Variants in WDR5 observed in about 807,000 individuals in gnomAD.
The protein encoded by WDR5 is WD repeat domain 5, also known as WD repeat-containing protein 5.
For missense variants in WDR5, 187 were observed against 416.9 expected, an observed-to-expected ratio of 0.45 and a Z score of 4.80; for synonymous variants, 144 against 161.6, an observed-to-expected ratio of 0.89 and a Z score of 0.83.
At chr9:134,144,317 C>T (rs1437261282) in intron 7 of WDR5, among the ~76,000 whole-genome samples, 2 of 152,202 alleles carry the variant, frequency 1.3e-5, no homozygotes, top group African/African-American at 2.4e-5. Flanking sequence ...GTCCGCTGCC[C>T]TCCAGGACAC....
intron 5 of WDR5, 107 bp downstream of exon 5, chr9:134,142,145 C>A: frequency 1.0e-6 from 1 of 976,968 alleles, no homozygotes; most frequent in Non-Finnish European, 1.5e-6. Flanking sequence ...GCGCTCCTCT[C>A]CAGGGAAGAC....
At chr9:134,147,069 AAAGT>A (rs1190216845) in intron 7 of WDR5, among the ~76,000 whole-genome samples, 1 of 152,272 alleles carries the variant, frequency 6.6e-6, no homozygotes, top group Non-Finnish European at 1.5e-5. Flanking sequence ...ACAAAAAAAG[AAAGT>A]AAAGTGTCTT....
At chr9:134,143,988 G>A (rs1331841013) in intron 7 of WDR5, among the ~76,000 whole-genome samples, 1 of 152,260 alleles carries the variant, frequency 6.6e-6, no homozygotes, top group Non-Finnish European at 1.5e-5. Context: ...CGGAAGGAAG[G>A]GTGGATGCAG....
At chr9:134,138,304 T>C (rs1831687160) in intron 1 of WDR5, among the ~76,000 whole-genome samples, 1 of 150,906 alleles carries the variant, frequency 6.6e-6, no homozygotes, top group Admixed American at 6.7e-5. Context: ...TTCGCTTGGG[T>C]AGGGCATGGG....
rs1317697875 is a variant in WDR5, at chr9:134,142,701, C to T, written c.510C>T (p.His170=). The change falls in exon 7 of 14, where the codon CAC becomes CAT. Residue 170 remains histidine (H), a synonymous_variant. Coordinates refer to ENST00000358625, the MANE Select transcript of WDR5 (RefSeq NM_017588.3). ...AGTGCCTCAAGACTTTGCCAGCTCA[C>T]TCGGATCCAGTCTCGGCCGTAAGTC... ...TGKCLKTLPA[H]SDPVSAVHFN... The T allele has an allele frequency of 6.2e-7, 1 of 1,614,118 alleles. No homozygotes were observed. The highest frequency in any genetic ancestry group is 2.2e-5 in the East Asian group (1 of 44,896).
chr9:134,137,112 C>T (rs1831603633), intron 1 of WDR5, among the ~76,000 whole-genome samples: 1 of 152,140 alleles, frequency 6.6e-6, no homozygotes, highest in Non-Finnish European at 1.5e-5. Context: ...AGGCAGATTC[C>T]TGGGCTCCAC....
At chr9:134,152,162 G>C (rs1460296023) in intron 9 of WDR5, 133 bp downstream of exon 9, 1 of 1,039,370 alleles carries the variant, frequency 9.6e-7, no homozygotes, top group South Asian at 1.6e-5. Flanking sequence ...ACCTTCCTCC[G>C]TGTCCGACCG....
chr9:134,157,646 A>T lies in WDR5; in HGVS notation c.905-247A>T, dbSNP rs1832808646. On this transcript the variant is annotated intron_variant, in intron 13 of 13. Coordinates refer to ENST00000358625, the MANE Select transcript of WDR5 (RefSeq NM_017588.3). This position sits in a 1 kb window ranked among gnomAD's most constrained non-coding sequence, Gnocchi z 5.0. ...CTCCTGGTCTGCAGGCAGGGCTGGCACTCCCTGTGGCCTCCTGCCCCTGTC... is the reference window on the plus strand; with the variant it reads ...CTCCTGGTCTGCAGGCAGGGCTGGCTCTCCCTGTGGCCTCCTGCCCCTGTC... 6.6e-6 allele frequency among the ~76,000 whole-genome samples: 1 copy of T among 151,528 alleles called. No individual in the cohort carries two copies. Among genetic ancestry groups the T allele is most frequent in the South Asian group, 2.1e-4 (1 of 4,810 alleles).
chr9:134,137,333 A>G (rs1268373866), intron 1 of WDR5, among the ~76,000 whole-genome samples: 1 of 152,054 alleles, frequency 6.6e-6, no homozygotes, highest in African/African-American at 2.4e-5. Context: ...CAAGTCTCCA[A>G]CCTTCCTGTT....
At chr9:134,150,934 A>C (rs28542945) in intron 8 of WDR5, among the ~76,000 whole-genome samples, 20,107 of 152,230 alleles carry the variant, frequency 0.13, 1,502 homozygotes, top group South Asian at 0.22. Flanking sequence ...CAAAAATGCT[A>C]AGATGTTTAG....
intron 5 of WDR5, 53 bp from the exon 6 acceptor site, chr9:134,142,280 C>T (rs902401742): frequency 8.9e-6 from 14 of 1,568,098 alleles, no homozygotes; most frequent in Admixed American, 3.3e-5. Context: ...TGACCTGACT[C>T]TTACGTTTGG....
rs11556387 is a variant in WDR5, at chr9:134,158,945, C to T, written c.*952C>T. 0.11 allele frequency: 17,417 copies of T among 152,224 alleles called. 1,309 individuals carry two copies. The highest frequency in any genetic ancestry group is 0.22 in the South Asian group (1,049 of 4,826). 9.4% of individuals were successfully genotyped at this position (152,224 alleles called of 1,614,324 possible). A position where few individuals can be genotyped will look rare whatever the true frequency, so the allele number is the denominator to read the frequency against. On this transcript the variant is annotated 3_prime_UTR_variant, in exon 14 of 14. Transcript: ENST00000358625. The stretch of plus-strand genomic sequence containing the variant: ...GTTGGGATGTGGGGGACACCTGTGG[C>T]ATGGTAAGGCTCCCTGAGTCCCTTA...
intron 8 of WDR5, 118 bp from the exon 9 acceptor site, chr9:134,151,865 A>G (rs1588177311): frequency 1.9e-6 from 2 of 1,026,424 alleles, no homozygotes; most frequent in East Asian, 2.4e-5. Context: ...GTGAAGCATA[A>G]CTTTTAAAAA....
intron 1 of WDR5, among the ~76,000 whole-genome samples, chr9:134,136,834 C>T (rs763945734): frequency 6.6e-6 from 1 of 152,338 alleles, no homozygotes; most frequent in African/African-American, 2.4e-5. Flanking sequence ...GCTAACGACA[C>T]TCCCTGCTGT....
rs1484695610 is a variant in WDR5 at position 134,154,227 on chromosome 9, AAAGTCCT to A, written c.632-238_632-232del. On this transcript the variant is annotated intron_variant, in intron 9 of 13. Coordinates refer to ENST00000358625, the MANE Select transcript of WDR5 (RefSeq NM_017588.3). ...GGTGCCCCAGGAGGCCTGTATTCGT[AAAGTCCT>A]GGTGTCAAGGGGCCCCCGGGCCTAT... Among the ~76,000 whole-genome samples the A allele has an allele frequency of 1.7e-3, 256 of 152,262 alleles. 1 individual carries two copies. The highest frequency in any genetic ancestry group is 5.7e-3 in the African/African-American group (235 of 41,542).
chr9:134,153,128 CGCACTTGGT>C (rs1414070812), intron 9 of WDR5, among the ~76,000 whole-genome samples: 1 of 152,160 alleles, frequency 6.6e-6, no homozygotes, highest in Non-Finnish European at 1.5e-5. Context: ...GAGATCACAC[CGCACTTGGT>C]GTCCCCTGGA....
At chr9:134,152,536 T>C (rs944903482) in intron 9 of WDR5, among the ~76,000 whole-genome samples, 3 of 152,016 alleles carry the variant, frequency 2.0e-5, no homozygotes, top group Non-Finnish European at 4.4e-5. Flanking sequence ...GGCCTGAGGG[T>C]CTGTGACGGC....
At chr9:134,150,951 G>T (rs187018919) in intron 8 of WDR5, among the ~76,000 whole-genome samples, 3 of 152,216 alleles carry the variant, frequency 2.0e-5, no homozygotes, top group African/African-American at 7.2e-5. Flanking sequence ...TTAGGAATGC[G>T]GCTAGTGAGA....
intron 1 of WDR5, 141 bp downstream of exon 1, chr9:134,136,341 C>CA (rs1444317957): frequency 4.7e-5 from 7 of 150,414 alleles, no homozygotes; most frequent in African/African-American, 1.5e-4. Context: ...GCTCCCGCTG[C>CA]AGCGGCCCCG....
Sources: allele counts gnomAD v4.1 joint callset (sites outside exome capture counted in the v4.1 genomes callset), GRCh38; gene constraint gnomAD v4.1.1; non-coding constraint Gnocchi (gnomAD v3.1); transcripts MANE v1.5; gene names NCBI Gene and HGNC (gene_info 2026-07-23, HGNC 2026-07-21).